The following THOP1 variants were observed in gnomAD, a reference collection of about 807,000 sequenced individuals.
THOP1 encodes the protein thimet oligopeptidase.
Under a neutral mutation model 71.8 loss-of-function variants are expected in THOP1, and 49 were observed. That is an observed-to-expected ratio of 0.68 (90% confidence interval 0.54 to 0.87). The LOEUF (loss-of-function observed/expected upper bound fraction) is 0.87. Ranked by LOEUF, THOP1 falls within the 40% of genes least tolerant of loss-of-function variation. The pLI is 0.00. For synonymous variants in THOP1, 426 were observed against 421.5 expected (o/e 1.01, Z -0.13); for missense variants, 843 against 975.6 (o/e 0.86, Z 1.81).
chr19:2,807,479 G>A lies in THOP1; in HGVS notation c.924G>A (p.Gln308=). Residue 308 remains glutamine, a synonymous_variant, in exon 8 of 13, where the codon CAG becomes CAA. Coordinates refer to ENST00000307741, the MANE Select transcript of THOP1 (RefSeq NM_003249.5). ...LAQKLKPLGE[Q]ERAVILELKR... is the part of the protein sequence containing the mutation. ...AGAAGCTGAAGCCCCTGGGGGAGCA[G>A]GAGCGTGCGGTGATTCTGGAGCTGA... 6.2e-7 allele frequency: 1 copy of A among 1,607,972 alleles called. No individual in the cohort carries two copies. The highest frequency in any genetic ancestry group is 8.5e-7 in the Non-Finnish European group (1 of 1,177,620).
At chr19:2,799,424 C>T (rs933747557) in intron 4 of THOP1, among the ~76,000 whole-genome samples, 1 of 152,178 alleles carries the variant, frequency 6.6e-6, no homozygotes, top group Non-Finnish European at 1.5e-5. Context: ...CCTGACAGAC[C>T]GGAGCACATC....
chr19:2,795,989 C>A, intron 3 of THOP1, 92 bp from the exon 4 acceptor site: 1 of 939,752 alleles, frequency 1.1e-6, no homozygotes, highest in Admixed American at 2.1e-5. Context: ...CACACGGGGG[C>A]CGGATGATCA....
chr19:2,804,984 C>T lies in THOP1; in HGVS notation c.590-32C>T, dbSNP rs1916254219. On this transcript the variant is annotated intron_variant, in intron 5 of 12. Transcript: ENST00000307741. The surrounding 1 kb of genome is among the most constrained non-coding windows in gnomAD (Gnocchi z 4.7). ...TGTGCAGGCTGTGGGCCCATCAGTC[C>T]TGTCAAAGCCACCCTGGTTCTGTCC... 1.3e-6 allele frequency: 2 copies of T among 1,597,852 alleles called. No individual in the cohort carries two copies. Among genetic ancestry groups the T allele is most frequent in the African/African-American group, 1.3e-5 (1 of 74,586 alleles).
chr19:2,805,318 G>A lies in THOP1; in HGVS notation c.750+142G>A. On this transcript the variant is annotated intron_variant, in intron 6 of 12. Transcript: ENST00000307741. This position sits in a 1 kb window ranked among gnomAD's most constrained non-coding sequence, Gnocchi z 6.6. ...CTGGCCAGGCCCAGTGGCCAGCAGA[G>A]GCCTCCCTGTGGGGCTCTGCCGTGC... 2.8e-6 allele frequency: 3 copies of A among 1,055,448 alleles called. No individual in the cohort carries two copies. Among genetic ancestry groups the A allele is most frequent in the Non-Finnish European group, 4.0e-6 (3 of 751,716 alleles). The allele number at this position is 1,055,448 out of a possible 1,614,324, so 65.4% of individuals were successfully genotyped here.
chr19:2,810,912 C>T (rs1226713508), intron 11 of THOP1, 144 bp downstream of exon 11: 33 of 1,324,078 alleles, frequency 2.5e-5, no homozygotes, highest in Non-Finnish European at 3.0e-5. Flanking sequence ...CCAGGCTCCT[C>T]GGGGGACAGC....
In THOP1 at chr19:2,810,418, C is replaced by T; in HGVS notation, c.1570C>T (p.His524Tyr). 1 of 1,606,990 alleles carries T rather than the reference C, an allele frequency of 6.2e-7. No homozygotes were observed. The highest frequency in any genetic ancestry group is 8.5e-7 in the Non-Finnish European group (1 of 1,178,556). ...GGAGCCGCTGCTGCGGATGTCGCGG[C>T]ACTACCGCACAGGCAGCGCCGTGCC... is the stretch of plus-strand genomic sequence containing the variant. ...EQEPLLRMSRHYRTGSAVPRE... is the reference protein window; with the variant it reads ...EQEPLLRMSRYYRTGSAVPRE... The change falls in exon 10 of 13, where the codon CAC (histidine) becomes TAC (tyrosine). Residue 524 changes from histidine (H) to tyrosine (Y), a missense_variant. Coordinates refer to ENST00000307741, the MANE Select transcript of THOP1 (RefSeq NM_003249.5).
intron 2 of THOP1, among the ~76,000 whole-genome samples, chr19:2,791,972 C>A (rs1244398637): frequency 1.3e-5 from 2 of 152,294 alleles, no homozygotes; most frequent in Admixed American, 6.5e-5. Flanking sequence ...CGGCCCCTCG[C>A]GCCCCTCGCC....
rs150977890 is a variant in THOP1 at position 2,806,919 on chromosome 19, G to A, written c.753G>A (p.Glu251=). The change falls in exon 7 of 13, where the codon GAG becomes GAA. Residue 251 remains glutamate, a splice_region_variant and synonymous_variant. Transcript: ENST00000307741. Reference sequence around the variant, plus strand: ...CAGTGTGGTGGTGTCGGTTGCAGGAGAACTGCGCTATCCTCAAGGAGCTGG... The same window carrying A: ...CAGTGTGGTGGTGTCGGTTGCAGGAAAACTGCGCTATCCTCAAGGAGCTGG... ...EEAFNCRCKE[E]NCAILKELVT... 6.2e-7 allele frequency: 1 copy of A among 1,613,012 alleles called. No homozygotes were observed. Among genetic ancestry groups the A allele is most frequent in the Non-Finnish European group, 8.5e-7 (1 of 1,179,776 alleles).
chr19:2,807,454 A>G lies in THOP1; in HGVS notation c.899A>G (p.Gln300Arg), dbSNP rs778703674. Residue 300 changes from glutamine (Q) to arginine (R), a missense_variant, in exon 8 of 13, where the codon CAG becomes CGG. Physicochemically the swap from Gln to Arg is conservative, Grantham distance 43. Coordinates refer to ENST00000307741, the MANE Select transcript of THOP1 (RefSeq NM_003249.5). ...GCCCTCCCCGCAGATGAGCTGGCGC[A>G]GAAGCTGAAGCCCCTGGGGGAGCAG... ...TVATFLDELAQKLKPLGEQER... is the reference protein window; with the variant it reads ...TVATFLDELARKLKPLGEQER... The G allele has an allele frequency of 1.9e-6, 3 of 1,592,694 alleles. No individual in the cohort carries two copies. Among genetic ancestry groups the G allele is most frequent in the Admixed American group, 3.4e-5 (2 of 59,064 alleles).
chr19:2,785,692 C>CG lies in THOP1; in HGVS notation c.16+15dup. Reference sequence around the variant, plus strand: ...AGCCCCCCGCAGGTACCGACTACCCCGCTCGCCGGACCCGGGCGTCCCCTG... The same window carrying CG: ...AGCCCCCCGCAGGTACCGACTACCCCGGCTCGCCGGACCCGGGCGTCCCCTG... On this transcript the variant is annotated intron_variant, in intron 1 of 12. Transcript: ENST00000307741. The CG allele has an allele frequency of 1.4e-6, 2 of 1,452,820 alleles. No homozygotes were observed. Among genetic ancestry groups the CG allele is most frequent in the Non-Finnish European group, 1.8e-6 (2 of 1,097,646 alleles). The allele number at this position is 1,452,820 out of a possible 1,614,324, so 90.0% of individuals were successfully genotyped here. A position where few individuals can be genotyped will look rare whatever the true frequency, so the allele number is the denominator to read the frequency against.
intron 12 of THOP1, chr19:2,812,005 A>G (rs904348729): frequency 1.6e-5 from 16 of 1,022,922 alleles, no homozygotes; most frequent in Admixed American, 3.1e-5. Flanking sequence ...TGCTGCCCAC[A>G]GCTCCTCCCT....
At chr19:2,800,094 C>T (rs185657705) in intron 5 of THOP1, among the ~76,000 whole-genome samples, 349 of 152,348 alleles carry the variant, frequency 2.3e-3, no homozygotes, top group Non-Finnish European at 4.4e-3. Flanking sequence ...ACGGGGTGGC[C>T]AAGGGTGCCA....
chr19:2,799,400 T>C (rs1172853542), intron 4 of THOP1, among the ~76,000 whole-genome samples: 2 of 152,218 alleles, frequency 1.3e-5, no homozygotes, highest in African/African-American at 4.8e-5. Flanking sequence ...GGAGCACTCT[T>C]GGCCAGGGCC....
chr19:2,786,765 A>ATTTTT (rs550767741), intron 1 of THOP1, among the ~76,000 whole-genome samples: 1 of 101,206 alleles, frequency 9.9e-6, no homozygotes, highest in African/African-American at 5.2e-5. Flanking sequence ...CACCTGGCTA[A>ATTTTT]TTTTTTTTTT....
chr19:2,804,630 G>A lies in THOP1; in HGVS notation c.590-386G>A, dbSNP rs941561869. 5 of 174,450 alleles carry A rather than the reference G, an allele frequency of 2.9e-5. No individual in the cohort carries two copies. Among genetic ancestry groups the A allele is most frequent in the Non-Finnish European group, 4.8e-5 (4 of 83,272 alleles). The allele number at this position is 174,450 out of a possible 1,614,324, so 10.8% of individuals were successfully genotyped here. ...GTGCAGTGGCCGGGCCACCCTTCCC[G>A]CCACCCTCCTCCCTTCACACATGAG... is the stretch of plus-strand genomic sequence containing the variant. On this transcript the variant is annotated intron_variant, in intron 5 of 12. Transcript: ENST00000307741. This position sits in a 1 kb window ranked among gnomAD's most constrained non-coding sequence, Gnocchi z 4.7.
rs116039595 is a variant in THOP1, at chr19:2,795,768, G to A, written c.379-313G>A. On this transcript the variant is annotated intron_variant, in intron 3 of 12. Transcript: ENST00000307741. Reference sequence around the variant, plus strand: ...CTTTGCCCAGGTCCCCAGTGATGACGTTTTGCAAAACTATGGTGTCATCTA... The same window carrying A: ...CTTTGCCCAGGTCCCCAGTGATGACATTTTGCAAAACTATGGTGTCATCTA... 6.0e-3 allele frequency among the ~76,000 whole-genome samples: 916 copies of A among 152,134 alleles called. 14 individuals carry two copies. The highest frequency in any genetic ancestry group is 0.021 in the African/African-American group (860 of 41,488).
chr19:2,810,715 C>T lies in THOP1; in HGVS notation c.1718C>T (p.Ala573Val). 6.3e-7 allele frequency: 1 copy of T among 1,591,494 alleles called. No individual in the cohort carries two copies. Among genetic ancestry groups the T allele is most frequent in the Non-Finnish European group, 8.6e-7 (1 of 1,169,286 alleles). ...ALHTQTDADP[A>V]EEYARLCQEI... is the part of the protein sequence containing the mutation. Reference sequence around the variant, plus strand: ...CACACGCAGACGGACGCAGACCCCGCCGAGGAGTATGCGCGGCTCTGCCAG... The same window carrying T: ...CACACGCAGACGGACGCAGACCCCGTCGAGGAGTATGCGCGGCTCTGCCAG... Residue 573 changes from alanine (A) to valine (V), a missense_variant, in exon 11 of 13, where the codon GCC (alanine) becomes GTC (valine). Physicochemically the swap from Ala to Val is moderately conservative, Grantham distance 64 (BLOSUM62 0). Coordinates refer to ENST00000307741, the MANE Select transcript of THOP1 (RefSeq NM_003249.5).
intron 2 of THOP1, among the ~76,000 whole-genome samples, chr19:2,793,908 A>G (rs1008879272): frequency 6.6e-6 from 1 of 151,790 alleles, no homozygotes; most frequent in African/African-American, 2.4e-5. Context: ...CTGTGAGTGC[A>G]CGTGTGCAGA....
At chr19:2,800,907 C>T (rs1335720965) in intron 5 of THOP1, among the ~76,000 whole-genome samples, 1 of 152,248 alleles carries the variant, frequency 6.6e-6, no homozygotes, top group African/African-American at 2.4e-5. Context: ...CTTCTCCTGC[C>T]TGCTCGTGTT....
Sources: gnomAD v4.1 joint callset for allele counts (sites outside exome capture counted in the v4.1 genomes callset) on GRCh38, gnomAD v4.1.1 for gene constraint, Gnocchi (gnomAD v3.1) non-coding constraint, MANE v1.5 for transcripts, NCBI Gene and HGNC (gene_info 2026-07-23, HGNC 2026-07-21) for gene names.